The following IMMP1L variants were observed in gnomAD, a reference collection of about 807,000 sequenced individuals.
IMMP1L encodes the protein mitochondrial inner membrane protease subunit 1.
IMMP1L carries 24 observed loss-of-function variants against 21.8 expected under a neutral mutation model. The ratio of observed to expected loss-of-function variants is 1.10; its 90% CI spans 0.80 to 1.55. The LOEUF (loss-of-function observed/expected upper bound fraction) is 1.55. Among genes scored for constraint, IMMP1L ranks in the 40% most tolerant of loss-of-function variants. The pLI, the probability that IMMP1L is intolerant of heterozygous loss-of-function variation, is 0.00. For missense variants in IMMP1L, 195 were observed against 200.7 expected, an observed-to-expected ratio of 0.97 and a Z score of 0.17; for synonymous variants, 46 against 62.8, an observed-to-expected ratio of 0.73 and a Z score of 1.26.
intron 1 of IMMP1L, among the ~76,000 whole-genome samples, chr11:31,501,730 G>A (rs1017964208): frequency 1.6e-4 from 24 of 152,010 alleles, no homozygotes; most frequent in African/African-American, 5.8e-4. Context: ...GAGGCAGGTG[G>A]ATCACTTGAG....
intron 1 of IMMP1L, among the ~76,000 whole-genome samples, chr11:31,496,374 G>A (rs1339052306): frequency 6.6e-6 from 1 of 152,180 alleles, no homozygotes; most frequent in African/African-American, 2.4e-5. Flanking sequence ...CACTCCTGGT[G>A]GGAATGCAAA....
intron 1 of IMMP1L, among the ~76,000 whole-genome samples, chr11:31,471,429 T>G (rs1432991463): frequency 6.6e-6 from 1 of 152,160 alleles, no homozygotes; most frequent in Admixed American, 6.5e-5. Context: ...TTCTATCTTG[T>G]GTCTCTCCTA....
intron 1 of IMMP1L, among the ~76,000 whole-genome samples, chr11:31,502,636 C>T (rs565675934): frequency 3.9e-5 from 6 of 152,300 alleles, no homozygotes; most frequent in Admixed American, 6.5e-5. Flanking sequence ...GATCACATCT[C>T]AGCAGAAATG....
intron 1 of IMMP1L, among the ~76,000 whole-genome samples, chr11:31,497,752 G>T (rs1175532538): frequency 6.6e-6 from 1 of 152,092 alleles, no homozygotes; most frequent in Non-Finnish European, 1.5e-5. Context: ...ACCCGGCGGG[G>T]TACAATATTT....
chr11:31,432,582 A>G lies in IMMP1L; in HGVS notation c.433-14T>C, dbSNP rs1179938723. On this transcript the variant is annotated splice_polypyrimidine_tract_variant and intron_variant, in intron 5 of 5. Coordinates refer to ENST00000532287, the MANE Select transcript of IMMP1L (RefSeq NM_001304274.2). ...CAGAGGCCAAATCTGTAAAATCAAA[A>G]TGAGGTTGAAGACAATTAGTGAAAG... 6.3e-6 allele frequency: 10 copies of G among 1,589,494 alleles called. No individual in the cohort carries two copies. Among genetic ancestry groups the G allele is most frequent in the Non-Finnish European group, 7.8e-6 (9 of 1,157,768 alleles).
intron 1 of IMMP1L, chr11:31,477,442 A>T: frequency 1.7e-6 from 1 of 594,646 alleles, no homozygotes; most frequent in Non-Finnish European, 2.1e-6. Context: ...TAAGTCATAT[A>T]GCTTAACATA....
chr11:31,461,028 G>A (rs1376306552), intron 2 of IMMP1L, among the ~76,000 whole-genome samples: 2 of 152,144 alleles, frequency 1.3e-5, no homozygotes, highest in African/African-American at 4.8e-5. Flanking sequence ...TCTCTCTCAT[G>A]TTCCTAGCTA....
intron 4 of IMMP1L, among the ~76,000 whole-genome samples, chr11:31,441,091 T>C (rs1442212657): frequency 6.6e-6 from 1 of 152,142 alleles, no homozygotes; most frequent in African/African-American, 2.4e-5. Flanking sequence ...AACTGTAAAA[T>C]TTTTAAAATA....
rs141935621 is a variant in IMMP1L at position 31,489,489 on chromosome 11, A to G, written c.-30+20030T>C. Among the ~76,000 whole-genome samples the G allele has an allele frequency of 3.2e-3, 495 of 152,332 alleles. 2 individuals are homozygous for G. The highest frequency in any genetic ancestry group is 0.011 in the African/African-American group (450 of 41,562). Reference sequence around the variant, plus strand: ...ATATAAAGAATACGGTTTCACTCTAATAATTACCATCAATTTGACTGAAGC... The same window carrying G: ...ATATAAAGAATACGGTTTCACTCTAGTAATTACCATCAATTTGACTGAAGC... On this transcript the variant is annotated intron_variant, in intron 1 of 5. Transcript: ENST00000532287.
At chr11:31,487,883 C>T (rs951550153) in intron 1 of IMMP1L, among the ~76,000 whole-genome samples, 2 of 152,032 alleles carry the variant, frequency 1.3e-5, no homozygotes, top group African/African-American at 4.8e-5. Flanking sequence ...GCTCCAGGTA[C>T]CAACATGATG....
At chr11:31,475,476 C>T (rs1305253969) in intron 1 of IMMP1L, among the ~76,000 whole-genome samples, 2 of 152,180 alleles carry the variant, frequency 1.3e-5, no homozygotes, top group African/African-American at 4.8e-5. Flanking sequence ...CTCAAAGAAT[C>T]CTCCCACTAC....
chr11:31,457,392 C>CAAACAG (rs1033854198), intron 3 of IMMP1L, among the ~76,000 whole-genome samples: 3 of 152,116 alleles, frequency 2.0e-5, no homozygotes, highest in Non-Finnish European at 4.4e-5. Context: ...AAACAGAACA[C>CAAACAG]AATACTCTTT....
chr11:31,455,245 T>C (rs556192162), intron 4 of IMMP1L, among the ~76,000 whole-genome samples: 1 of 152,316 alleles, frequency 6.6e-6, no homozygotes, highest in Admixed American at 6.5e-5. Context: ...CAACTATGTG[T>C]TTACATTGAG....
At chr11:31,450,957 CA>C (rs1303107051) in intron 4 of IMMP1L, among the ~76,000 whole-genome samples, 2 of 152,010 alleles carry the variant, frequency 1.3e-5, no homozygotes, top group Admixed American at 1.3e-4. Context: ...TGCTCTAGAT[CA>C]GGGGGTCAGC....
At chr11:31,494,723 G>A (rs1028147966) in intron 1 of IMMP1L, among the ~76,000 whole-genome samples, 2 of 151,744 alleles carry the variant, frequency 1.3e-5, no homozygotes, top group Non-Finnish European at 2.9e-5. Flanking sequence ...CTCACTGCAA[G>A]CTCCACCTCC....
intron 1 of IMMP1L, among the ~76,000 whole-genome samples, chr11:31,475,844 T>A (rs186185750): frequency 7.5e-4 from 114 of 152,132 alleles, no homozygotes; most frequent in African/African-American, 2.7e-3. Flanking sequence ...AAAATAACCA[T>A]CTCTAAACAA....
chr11:31,484,408 G>T (rs887766067), intron 1 of IMMP1L, among the ~76,000 whole-genome samples: 1 of 151,594 alleles, frequency 6.6e-6, no homozygotes, highest in Non-Finnish European at 1.5e-5. Flanking sequence ...AATAACAATG[G>T]TATGTGAAAA....
chr11:31,449,989 A>G (rs1423722841), intron 4 of IMMP1L, among the ~76,000 whole-genome samples: 1 of 152,216 alleles, frequency 6.6e-6, no homozygotes, highest in African/African-American at 2.4e-5. Context: ...TCTATTCTCA[A>G]TACAGGGTAG....
Position 31,432,524 on chromosome 11 carries a change from A to G in IMMP1L, c.477T>C (p.Asn159=). 6.2e-7 allele frequency: 1 copy of G among 1,613,086 alleles called. No individual in the cohort carries two copies. The highest frequency in any genetic ancestry group is 8.5e-7 in the Non-Finnish European group (1 of 1,179,350). Residue 159 remains asparagine, a synonymous_variant, in exon 6 of 6, where the codon AAT becomes AAC. Transcript: ENST00000532287. ...ACTAATCATCAGAAAATCTGTGGCC[A>G]TTAGGGCTGGCACGTAAAAATCCAA... is the stretch of plus-strand genomic sequence containing the variant. ...SDFGFLRASP[N]GHRFSDD is the part of the protein sequence containing the mutation.
Sources: allele counts gnomAD v4.1 joint callset (sites outside exome capture counted in the v4.1 genomes callset), GRCh38; gene constraint gnomAD v4.1.1; transcripts MANE v1.5; gene names NCBI Gene and HGNC (gene_info 2026-07-23, HGNC 2026-07-21).